The following CHST8 variants were observed in gnomAD, a reference collection of about 807,000 sequenced individuals.
CHST8 encodes the protein GALNAC-4-ST1.
A neutral mutation model predicts 15.0 loss-of-function variants in CHST8; 10 were observed. The observed-to-expected ratio is 0.67, with a 90% CI of 0.41 to 1.13. The LOEUF (loss-of-function observed/expected upper bound fraction) is 1.13. Among genes scored for constraint, CHST8 ranks in the 50% most tolerant of loss-of-function variants. The pLI, the probability that CHST8 is intolerant of heterozygous loss-of-function variation, is 0.00. For synonymous variants in CHST8, 259 were observed against 256.6 expected, an observed-to-expected ratio of 1.01 and a Z score of -0.09; for missense variants, 634 against 608.2, an observed-to-expected ratio of 1.04 and a Z score of -0.45.
At chr19:33,630,927 T>C (rs1972113948) in intron 1 of CHST8, among the ~76,000 whole-genome samples, 1 of 152,226 alleles carries the variant, frequency 6.6e-6, no homozygotes, top group African/African-American at 2.4e-5. Flanking sequence ...TGGCTTTTCC[T>C]GTGGCTGAGC....
At chr19:33,672,918 G>A (rs1289471615) in intron 2 of CHST8, among the ~76,000 whole-genome samples, 2 of 152,230 alleles carry the variant, frequency 1.3e-5, no homozygotes, top group Non-Finnish European at 2.9e-5. Context: ...AAGACATCAC[G>A]TGGGGTGACG....
chr19:33,635,969 G>C (rs867066021), intron 1 of CHST8, among the ~76,000 whole-genome samples: 4 of 151,798 alleles, frequency 2.6e-5, no homozygotes, highest in African/African-American at 7.3e-5. Flanking sequence ...GGAGGCGGGC[G>C]CGCAAAGACG....
chr19:33,745,686 C>T (rs1974301691), intron 3 of CHST8, among the ~76,000 whole-genome samples: 1 of 152,198 alleles, frequency 6.6e-6, no homozygotes, highest in African/African-American at 2.4e-5. Context: ...GTCTGCCAGT[C>T]CCACAGGGAG....
At chr19:33,687,712 G>A (rs1973007532) in intron 2 of CHST8, among the ~76,000 whole-genome samples, 1 of 152,216 alleles carries the variant, frequency 6.6e-6, no homozygotes, top group Admixed American at 6.5e-5. Flanking sequence ...TAGCCCTTGA[G>A]CTTTTCAGAA....
chr19:33,724,284 G>A (rs1237828869), intron 3 of CHST8, among the ~76,000 whole-genome samples: 1 of 152,234 alleles, frequency 6.6e-6, no homozygotes, highest in African/African-American at 2.4e-5. Flanking sequence ...CCTGGGTGTG[G>A]GGCCTGGGAC....
chr19:33,717,473 A>G (rs897384325), intron 3 of CHST8, among the ~76,000 whole-genome samples: 11 of 152,084 alleles, frequency 7.2e-5, no homozygotes, highest in Non-Finnish European at 1.6e-4. Flanking sequence ...AAAAGAAAAA[A>G]AAAGTACACG....
At chr19:33,652,602 C>G (rs1972463777) in intron 1 of CHST8, among the ~76,000 whole-genome samples, 1 of 152,086 alleles carries the variant, frequency 6.6e-6, no homozygotes, top group African/African-American at 2.4e-5. Flanking sequence ...TCTCGAACTT[C>G]TGACCTCAGG....
chr19:33,622,357 G>A (rs1971994999), intron 1 of CHST8, 61 bp downstream of exon 1: 1 of 152,120 alleles, frequency 6.6e-6, no homozygotes, highest in Non-Finnish European at 1.5e-5. Flanking sequence ...CTGGCCTGCA[G>A]AGACGCCAGG....
chr19:33,707,318 T>G (rs374876972), intron 3 of CHST8, among the ~76,000 whole-genome samples: 2 of 152,164 alleles, frequency 1.3e-5, no homozygotes, highest in Non-Finnish European at 1.5e-5. Context: ...CCTGCCAAAG[T>G]GCTGGGATTA....
chr19:33,689,136 C>A, intron 2 of CHST8, 40 bp from the exon 3 acceptor site: 1 of 1,218,228 alleles, frequency 8.2e-7, no homozygotes, highest in Non-Finnish European at 1.1e-6. Flanking sequence ...GCCCGGGTGC[C>A]TCGCGCCTCG....
intron 2 of CHST8, among the ~76,000 whole-genome samples, chr19:33,680,416 G>T (rs1001008219): frequency 3.3e-5 from 5 of 152,160 alleles, no homozygotes; most frequent in South Asian, 2.1e-4. Context: ...CTGTGCTGCG[G>T]CTAAATCTGA....
In CHST8 at chr19:33,772,856, CTTCTTCCT is replaced by C; in HGVS notation, c.1069_1076del (p.Phe357GlufsTer101). 1 of 1,613,548 alleles carries C rather than the reference CTTCTTCCT, an allele frequency of 6.2e-7. No homozygotes were observed. Among genetic ancestry groups the C allele is most frequent in the Non-Finnish European group, 8.5e-7 (1 of 1,180,034 alleles). The stretch of plus-strand genomic sequence containing the variant: ...TCGAGAGCATGGAGGACGATGCCAA[CTTCTTCCT>C]GAGCCTCATCCGCGCGCCGCGGAAC... On this transcript the variant is annotated frameshift_variant, in exon 5 of 5. Transcript: ENST00000650847. LOFTEE classifies it high-confidence loss of function.
At chr19:33,640,455 C>T (rs531656077) in intron 1 of CHST8, among the ~76,000 whole-genome samples, 114 of 152,316 alleles carry the variant, frequency 7.5e-4, no homozygotes, top group African/African-American at 2.7e-3. Context: ...TCTGGAGCTG[C>T]CCTGGTCTCC....
At chr19:33,667,586 A>C (rs1403394333) in intron 1 of CHST8, among the ~76,000 whole-genome samples, 181 bp from the exon 2 acceptor site, 1 of 152,086 alleles carries the variant, frequency 6.6e-6, no homozygotes, top group Non-Finnish European at 1.5e-5. Flanking sequence ...GATGATTCGT[A>C]ACCAGCTTGT....
intron 3 of CHST8, among the ~76,000 whole-genome samples, chr19:33,752,955 A>T (rs542146035): frequency 4.6e-5 from 7 of 152,334 alleles, no homozygotes; most frequent in African/African-American, 1.7e-4. Flanking sequence ...TTCAACAAAG[A>T]TGGGCAAAGG....
At chr19:33,719,596 G>T (rs1236991863) in intron 3 of CHST8, among the ~76,000 whole-genome samples, 3 of 152,026 alleles carry the variant, frequency 2.0e-5, no homozygotes, top group Admixed American at 1.3e-4. Context: ...AGGGAGACTG[G>T]ACTGCAGCCC....
rs869057036 is a variant in CHST8, at chr19:33,650,518, C to CTTTTTTTTTTTTTTTTTTTTTTTTTTTT, written c.-163-17247_-163-17220dup. ...TTCTTTTTCTTTTTCTTTTTCTTTT[C>CTTTTTTTTTTTTTTTTTTTTTTTTTTTT]TTTTTTTTTTTTTTTTTTTTTTTTT... On this transcript the variant is annotated intron_variant, in intron 1 of 4. Transcript: ENST00000650847. Among the ~76,000 whole-genome samples the CTTTTTTTTTTTTTTTTTTTTTTTTTTTT allele has an allele frequency of 2.4e-3, 87 of 36,112 alleles. 9 individuals are homozygous for CTTTTTTTTTTTTTTTTTTTTTTTTTTTT. The highest frequency in any genetic ancestry group is 3.3e-3 in the Non-Finnish European group (69 of 20,900). The allele number at this position is 36,112 out of a possible 152,430, so 23.7% of individuals were successfully genotyped here.
chr19:33,642,432 G>C (rs779498776), intron 1 of CHST8, among the ~76,000 whole-genome samples: 1 of 151,898 alleles, frequency 6.6e-6, no homozygotes, highest in South Asian at 2.1e-4. Flanking sequence ...GCACGATCTC[G>C]GCTCTTTGCA....
At chr19:33,771,351 A>G in intron 3 of CHST8, 62 bp from the exon 4 acceptor site, 28 of 1,528,354 alleles carry the variant, frequency 1.8e-5, no homozygotes, top group Non-Finnish European at 2.5e-5. Context: ...GCCCATAAGC[A>G]GTTCCCTGGG....
Sources: allele counts gnomAD v4.1 joint callset (sites outside exome capture counted in the v4.1 genomes callset), GRCh38; gene constraint gnomAD v4.1.1; transcripts MANE v1.5; gene names NCBI Gene and HGNC (gene_info 2026-07-23, HGNC 2026-07-21).